CNST: variants seen among roughly 807,000 people sequenced by gnomAD.
CNST encodes consortin, connexin sorting protein, also known as consortin.
A neutral mutation model predicts 72.4 loss-of-function variants in CNST; 39 were observed. That is an observed-to-expected ratio of 0.54 (90% CI 0.42 to 0.70). CNST has a LOEUF of 0.70. Ranked by LOEUF, CNST falls within the 30% of genes least tolerant of loss-of-function variation. The pLI, the probability that CNST is intolerant of heterozygous loss-of-function variation, is 0.00. For missense variants in CNST, 871 were observed against 868.5 expected, an observed-to-expected ratio of 1.00 and a Z score of -0.04; for synonymous variants, 332 against 320.1, an observed-to-expected ratio of 1.04 and a Z score of -0.40.
chr1:246,636,954 G>T (rs1665304357), intron 6 of CNST, among the ~76,000 whole-genome samples: 1 of 152,172 alleles, frequency 6.6e-6, no homozygotes, highest in Non-Finnish European at 1.5e-5. Flanking sequence ...GGCGGCTACT[G>T]ACCGTATAAG....
intron 7 of CNST, 54 bp from the exon 8 acceptor site, chr1:246,641,887 G>A (rs1665716736): frequency 6.9e-7 from 1 of 1,451,080 alleles, no homozygotes; most frequent in East Asian, 2.3e-5. Flanking sequence ...CAGCTTCCTA[G>A]TTTAATACAA....
intron 2 of CNST, 75 bp from the exon 3 acceptor site, chr1:246,621,354 A>G: frequency 3.5e-6 from 4 of 1,155,002 alleles, no homozygotes; most frequent in Non-Finnish European, 5.1e-6. Context: ...GCATCAAACT[A>G]TATGTAATTG....
At chr1:246,574,253 G>A (rs1319674580) in intron 1 of CNST, among the ~76,000 whole-genome samples, 8 of 152,132 alleles carry the variant, frequency 5.3e-5, no homozygotes, top group Non-Finnish European at 1.0e-4. Context: ...GTGTTAGCCA[G>A]GATGGTCTCG....
intron 9 of CNST, among the ~76,000 whole-genome samples, chr1:246,652,800 C>A (rs6681393): frequency 1.4e-5 from 2 of 142,854 alleles, no homozygotes; most frequent in African/African-American, 5.1e-5. Context: ...GTCAGGAGAT[C>A]GAGACCATCC....
intron 10 of CNST, among the ~76,000 whole-genome samples, chr1:246,664,508 C>A (rs1047908857): frequency 6.6e-6 from 1 of 151,826 alleles, no homozygotes; most frequent in Non-Finnish European, 1.5e-5. Context: ...CTCACTGCAA[C>A]CTCCGCCTCC....
intron 8 of CNST, among the ~76,000 whole-genome samples, chr1:246,646,480 T>TTTTG (rs920659412): frequency 6.6e-6 from 1 of 152,026 alleles, no homozygotes; most frequent in Non-Finnish European, 1.5e-5. Context: ...CCATGTCTTT[T>TTTTG]TTTGTTTGTT....
At chr1:246,602,227 G>A (rs1293050497) in intron 2 of CNST, among the ~76,000 whole-genome samples, 1 of 152,208 alleles carries the variant, frequency 6.6e-6, no homozygotes, top group Non-Finnish European at 1.5e-5. Flanking sequence ...ATTGTGCATG[G>A]TCTGTGCATT....
chr1:246,648,370 A>C, intron 9 of CNST: 2 of 301,490 alleles, frequency 6.6e-6, no homozygotes, highest in South Asian at 1.9e-4. Context: ...CATTCTAATA[A>C]GGAAGTCTCA....
At chr1:246,596,712 G>A (rs1053219446) in intron 2 of CNST, among the ~76,000 whole-genome samples, 27 of 152,212 alleles carry the variant, frequency 1.8e-4, no homozygotes, top group Admixed American at 1.4e-3. Context: ...TTACATATTA[G>A]CACCCACTTC....
At chr1:246,621,934 G>T (rs896981689) in intron 3 of CNST, among the ~76,000 whole-genome samples, 1 of 152,198 alleles carries the variant, frequency 6.6e-6, no homozygotes, top group African/African-American at 2.4e-5. Context: ...GGCAAAGGTT[G>T]CATTGAGCTG....
chr1:246,593,030 T>C (rs572350715), intron 2 of CNST, among the ~76,000 whole-genome samples: 8 of 152,238 alleles, frequency 5.3e-5, no homozygotes, highest in Non-Finnish European at 8.8e-5. Context: ...TACATCAGAC[T>C]CTAGTGAACT....
chr1:246,634,411 T>C, intron 5 of CNST, 62 bp from the exon 6 acceptor site: 1 of 938,838 alleles, frequency 1.1e-6, no homozygotes, highest in Non-Finnish European at 1.6e-6. Flanking sequence ...ACTGTTTGTT[T>C]GTTTTTTTGC....
At position 246,647,933 on chromosome 1, in the gene CNST, G is replaced by C; in HGVS notation, c.1732G>C (p.Asp578His). 5 of 1,613,620 alleles carry C rather than the reference G, an allele frequency of 3.1e-6. No individual in the cohort carries two copies. Among genetic ancestry groups the C allele is most frequent in the Non-Finnish European group, 4.2e-6 (5 of 1,179,804 alleles). The change falls in exon 9 of 11, where the codon GAT (aspartate) becomes CAT (histidine). Residue 578 changes from aspartate (D) to histidine (H), a missense_variant. By Grantham distance (81) the Asp-to-His change is moderately conservative. Coordinates refer to ENST00000366513, the MANE Select transcript of CNST (RefSeq NM_152609.3). ...AGACGACGACTCCGATCTCCTTCAA[G>C]ATCTCTCTCCTGAAGAAGCATCCTA... ...NQDDDSDLLQ[D>H]LSPEEASYSL...
chr1:246,639,355 A>C (rs1328330668), intron 6 of CNST, among the ~76,000 whole-genome samples: 2 of 152,044 alleles, frequency 1.3e-5, no homozygotes, highest in African/African-American at 4.8e-5. Context: ...AAGTAGAGCA[A>C]AGGAAGGAAC....
In CNST at chr1:246,663,736, G is replaced by T. The variant is rs553091340; in HGVS notation, c.1973-1964G>T. On this transcript the variant is annotated intron_variant, in intron 10 of 10. Transcript: ENST00000366513. ...GCCTGGGCAACAAGAACAAGACTCTGTCTCAAAAAAAAAAACAACTATTTT... is the reference window on the plus strand; with the variant it reads ...GCCTGGGCAACAAGAACAAGACTCTTTCTCAAAAAAAAAAACAACTATTTT... 3.4e-4 allele frequency among the ~76,000 whole-genome samples: 51 copies of T among 150,630 alleles called. No homozygotes were observed. In the South Asian group the frequency reaches 0.01, roughly 31 times the overall value.
intron 6 of CNST, among the ~76,000 whole-genome samples, chr1:246,639,840 C>T (rs1665564270): frequency 6.6e-6 from 1 of 152,002 alleles, no homozygotes. Context: ...TGGCGTCAGC[C>T]CCACATGAGG....
chr1:246,616,393 C>T (rs1189434388), intron 2 of CNST, among the ~76,000 whole-genome samples: 2 of 151,892 alleles, frequency 1.3e-5, no homozygotes, highest in Non-Finnish European at 2.9e-5. Flanking sequence ...CACTGCCCCC[C>T]CAGAAAATTT....
chr1:246,648,091 AT>A (rs749400342), intron 9 of CNST, 54 bp downstream of exon 9: 323 of 1,530,692 alleles, frequency 2.1e-4, no homozygotes, highest in Non-Finnish European at 2.6e-4. Context: ...AAAAACATAT[AT>A]ATGTATTAAA....
intron 9 of CNST, among the ~76,000 whole-genome samples, chr1:246,659,628 C>G (rs759234734): frequency 6.6e-6 from 1 of 151,940 alleles, no homozygotes; most frequent in East Asian, 1.9e-4. Context: ...TAAACTGGCT[C>G]TGAGAGAAAT....
Sources: gnomAD v4.1 joint callset for allele counts (sites outside exome capture counted in the v4.1 genomes callset) on GRCh38, gnomAD v4.1.1 for gene constraint, MANE v1.5 for transcripts, NCBI Gene and HGNC (gene_info 2026-07-23, HGNC 2026-07-21) for gene names.